Variants in VIPR1 observed in about 807,000 individuals in gnomAD.
VIPR1 encodes the protein vasoactive intestinal peptide receptor 1.
In VIPR1, 59 loss-of-function variants were observed where a neutral mutation model predicts 58.8. The ratio of observed to expected loss-of-function variants is 1.00; its 90% CI spans 0.81 to 1.25. VIPR1 has a LOEUF of 1.25. Among genes scored for constraint, VIPR1 ranks in the 50% most tolerant of loss-of-function variants. The probability of loss-of-function intolerance (pLI) is 0.00; values close to 1 mark genes in which losing one functional copy is unlikely to be tolerated. For synonymous variants in VIPR1, 251 were observed against 242.1 expected, an observed-to-expected ratio of 1.04 and a Z score of -0.34; for missense variants, 626 against 602.7, an observed-to-expected ratio of 1.04 and a Z score of -0.40.
chr3:42,529,565 G>T (rs1173691197), intron 6 of VIPR1: 1 of 152,212 alleles, frequency 6.6e-6, no homozygotes, highest in Non-Finnish European at 1.5e-5. Context: ...CGAGACCTGA[G>T]GAAGGACTTT....
intron 10 of VIPR1, chr3:42,534,441 T>A (rs1191108139): frequency 6.5e-6 from 1 of 152,908 alleles, no homozygotes; most frequent in Non-Finnish European, 1.5e-5. Flanking sequence ...GGCCTCTGTT[T>A]CTATAATTTG....
At position 42,497,190 on chromosome 3, in the gene VIPR1, C is replaced by A. The variant is rs560030860; in HGVS notation, c.-245+7512C>A. ...CTGAGTTCTCCCTGGGCTAAGTGGC[C>A]TCACCCCCCTCAGGAATTCACTGCC... On this transcript the variant is annotated intron_variant, in intron 1 of 13. Coordinates refer to the VIPR1 transcript ENST00000433647. 7.3e-4 allele frequency among the ~76,000 whole-genome samples: 111 copies of A among 152,108 alleles called. 1 individual carries two copies. The highest frequency in any genetic ancestry group is 2.2e-3 in the Admixed American group (34 of 15,266).
At chr3:42,497,301 C>T (rs1238881467) in intron 1 of VIPR1, among the ~76,000 whole-genome samples, 3 of 152,168 alleles carry the variant, frequency 2.0e-5, no homozygotes, top group Non-Finnish European at 4.4e-5. Context: ...CCCTTCCTAC[C>T]TTGAACCTTG....
At chr3:42,512,065 T>C (rs1425857911) in intron 1 of VIPR1, 5 of 152,248 alleles carry the variant, frequency 3.3e-5, no homozygotes, top group African/African-American at 1.2e-4. Context: ...TACCAGCTAA[T>C]GTCTTTACCC....
upstream of VIPR1, chr3:42,501,862 CCCAG>C (rs762756993): frequency 6.6e-6 from 1 of 152,312 alleles, no homozygotes; most frequent in Non-Finnish European, 1.5e-5. The surrounding 1 kb of genome is among the most constrained non-coding windows in gnomAD (Gnocchi z 4.8). Context: ...GGCACTTCAG[CCCAG>C]CCTCCCTGGG....
chr3:42,529,508 G>C (rs1330010608), intron 6 of VIPR1: 2 of 151,090 alleles, frequency 1.3e-5, no homozygotes, highest in African/African-American at 4.9e-5. Context: ...AAAGCAAATG[G>C]GAGGAAGATG....
At chr3:42,517,317 G>A (rs1278281076) in intron 2 of VIPR1, among the ~76,000 whole-genome samples, 2 of 152,238 alleles carry the variant, frequency 1.3e-5, no homozygotes, top group East Asian at 1.9e-4. Context: ...ACCTGAGCTG[G>A]GCTGGGCTGG....
chr3:42,522,119 T>G (rs1272755459), intron 3 of VIPR1, among the ~76,000 whole-genome samples: 3 of 91,766 alleles, frequency 3.3e-5, no homozygotes, highest in Admixed American at 1.0e-4. Context: ...TTTTTTTTTT[T>G]TTTTTTTTTT....
At chr3:42,503,799 A>C (rs1326829970) in intron 1 of VIPR1, among the ~76,000 whole-genome samples, 1 of 152,136 alleles carries the variant, frequency 6.6e-6, no homozygotes, top group African/African-American at 2.4e-5. Context: ...CCTACCCCAG[A>C]CTTTGAGTAA....
chr3:42,499,119 C>T (rs901775182), upstream of VIPR1, among the ~76,000 whole-genome samples: 2 of 152,192 alleles, frequency 1.3e-5, no homozygotes, highest in Non-Finnish European at 2.9e-5. Flanking sequence ...CAGACAGCAA[C>T]GTGGGTGGCT....
intron 1 of VIPR1, chr3:42,508,854 T>G (rs975294748): frequency 6.6e-6 from 1 of 152,264 alleles, no homozygotes; most frequent in Non-Finnish European, 1.5e-5. Flanking sequence ...TGCTGTCCTG[T>G]GTGCCTGTGA....
intron 2 of VIPR1, 57 bp downstream of exon 2, chr3:42,513,911 C>T (rs1700488837): frequency 4.6e-6 from 7 of 1,517,686 alleles, no homozygotes; most frequent in South Asian, 2.4e-5. Flanking sequence ...CAAGATTCCT[C>T]ATGTCTCAAG....
chr3:42,505,919 C>G (rs1248375296), intron 1 of VIPR1, among the ~76,000 whole-genome samples: 1 of 152,218 alleles, frequency 6.6e-6, no homozygotes, highest in African/African-American at 2.4e-5. Context: ...TAATCTACCC[C>G]TGGAGCACCA....
chr3:42,502,466 A>C, upstream of VIPR1: 1 of 334,668 alleles, frequency 3.0e-6, no homozygotes, highest in Non-Finnish European at 5.4e-6. Flanking sequence ...TGGGATTGGC[A>C]AAGAGAGAGC....
chr3:42,521,053 C>T (rs1181053494), intron 3 of VIPR1, among the ~76,000 whole-genome samples: 2 of 152,134 alleles, frequency 1.3e-5, no homozygotes, highest in African/African-American at 2.4e-5. Flanking sequence ...CCTGGAAGCA[C>T]CTGCTAATTG....
intron 8 of VIPR1, 81 bp from the exon 9 acceptor site, chr3:42,531,722 T>G: frequency 6.3e-7 from 1 of 1,592,238 alleles, no homozygotes; most frequent in Non-Finnish European, 8.6e-7. Context: ...GGAGCAGAGC[T>G]GGGGACAACT....
At chr3:42,503,120 G>A (rs1291333975) in intron 1 of VIPR1, among the ~76,000 whole-genome samples, 11 of 152,170 alleles carry the variant, frequency 7.2e-5, no homozygotes. Flanking sequence ...GCGCAGCGGG[G>A]TGGGGCGGCC....
At chr3:42,510,674 A>G (rs577235334) in intron 1 of VIPR1, among the ~76,000 whole-genome samples, 5 of 152,260 alleles carry the variant, frequency 3.3e-5, no homozygotes, top group African/African-American at 1.2e-4. Flanking sequence ...TTGGGTCTCC[A>G]TTTCCTCTAC....
At position 42,492,778 on chromosome 3, in the gene VIPR1, A is replaced by G. The variant is rs145260477; in HGVS notation, c.-245+3100A>G. On this transcript the variant is annotated intron_variant, in intron 1 of 13. Transcript: ENST00000433647. ...CAAACTGTCTCCCTTGAGCAGCACT[A>G]GACTCACTACCTGCTCCCCACCTCC... is the stretch of plus-strand genomic sequence containing the variant. 1.3e-3 allele frequency among the ~76,000 whole-genome samples: 197 copies of G among 152,328 alleles called. 1 individual carries two copies. The highest frequency in any genetic ancestry group is 4.4e-3 in the African/African-American group (184 of 41,576).
Sources: allele counts gnomAD v4.1 joint callset (sites outside exome capture counted in the v4.1 genomes callset), GRCh38; gene constraint gnomAD v4.1.1; non-coding constraint Gnocchi (gnomAD v3.1); transcripts MANE v1.5; gene names NCBI Gene and HGNC (gene_info 2026-07-23, HGNC 2026-07-21).